Variants in PCDHGB7 observed in about 807,000 individuals in gnomAD.
PCDHGB7 encodes protocadherin gamma-B7.
A neutral mutation model predicts 61.4 loss-of-function variants in PCDHGB7; 37 were observed. The ratio of observed to expected loss-of-function variants is 0.60; its 90% CI spans 0.46 to 0.79. The LOEUF (loss-of-function observed/expected upper bound fraction) is 0.79. Ranked by LOEUF, PCDHGB7 falls within the 30% of genes least tolerant of loss-of-function variation. The probability of loss-of-function intolerance (pLI) is 0.00; values close to 1 mark genes in which losing one functional copy is unlikely to be tolerated. For missense variants in PCDHGB7, 1,166 were observed against 1,202.5 expected, an observed-to-expected ratio of 0.97 and a Z score of 0.45; for synonymous variants, 464 against 503.5, an observed-to-expected ratio of 0.92 and a Z score of 1.05.
chr5:141,472,371 C>G (rs2099278632), intron 1 of PCDHGB7, among the ~76,000 whole-genome samples: 1 of 151,944 alleles, frequency 6.6e-6, no homozygotes, highest in Admixed American at 6.6e-5. Flanking sequence ...GAAACCCCGT[C>G]TCCACTAAAA....
intron 2 of PCDHGB7, among the ~76,000 whole-genome samples, chr5:141,503,075 G>C (rs1373753092): frequency 6.6e-6 from 1 of 151,438 alleles, no homozygotes; most frequent in Non-Finnish European, 1.5e-5. Context: ...GAATGGTCTC[G>C]ATCTCCTGAC....
At chr5:141,438,591 CATATATATATATATATAT>C (rs946798767) in intron 1 of PCDHGB7, among the ~76,000 whole-genome samples, 2 of 75,562 alleles carry the variant, frequency 2.6e-5, no homozygotes, top group Non-Finnish European at 5.4e-5. Context: ...TACATACATA[CATATATATATATATATAT>C]ATATATATAT....
At position 141,505,504 on chromosome 5, in the gene PCDHGB7, T is replaced by C. The variant is rs756583857; in HGVS notation, c.2563+23T>C. The C allele has an allele frequency of 9.3e-6, 15 of 1,614,020 alleles. No individual in the cohort carries two copies. The African/African-American group carries it at 1.2e-4, about 13-fold the overall frequency. ...GTGGTAAGTGGTGTCAGTGTGTGTA[T>C]GGAAGAGTGGGAGACCTGGGGTTCT... On this transcript the variant is annotated intron_variant, in intron 3 of 3. Transcript: ENST00000398594.
chr5:141,449,497 G>A (rs903338878), intron 1 of PCDHGB7, among the ~76,000 whole-genome samples: 4 of 149,856 alleles, frequency 2.7e-5, no homozygotes, highest in African/African-American at 9.9e-5. Flanking sequence ...GGTGAGGCAT[G>A]AGAAATGCTT....
chr5:141,423,782 C>A (rs1458189260), intron 1 of PCDHGB7: 2 of 1,243,328 alleles, frequency 1.6e-6, no homozygotes, highest in Non-Finnish European at 1.0e-6. Context: ...ATATTTAGTT[C>A]ATATATATTT....
chr5:141,476,184 T>C lies in PCDHGB7; in HGVS notation c.2416-18623T>C, dbSNP rs1038598087. ...AGGGTAGTGGGAGTTTTGCTTCTGC[T>C]TGGTGCCTTGAACAAGGCTTCCACG... On this transcript the variant is annotated intron_variant, in intron 1 of 3. Coordinates refer to ENST00000398594, the MANE Select transcript of PCDHGB7 (RefSeq NM_018927.4). The surrounding 1 kb of genome is among the most constrained non-coding windows in gnomAD (Gnocchi z 7.6). 1 of 1,613,708 alleles carries C rather than the reference T, an allele frequency of 6.2e-7. No homozygotes were observed. Among genetic ancestry groups the C allele is most frequent in the Non-Finnish European group, 8.5e-7 (1 of 1,179,992 alleles).
At chr5:141,422,206 G>C (rs1269700250) in intron 1 of PCDHGB7, 2 of 1,562,442 alleles carry the variant, frequency 1.3e-6, no homozygotes, top group East Asian at 4.5e-5. Context: ...AGATGGTGGA[G>C]GTCTCTTTAC....
intron 3 of PCDHGB7, among the ~76,000 whole-genome samples, chr5:141,510,054 G>A (rs1166696269): frequency 1.3e-5 from 2 of 152,180 alleles, no homozygotes; most frequent in Non-Finnish European, 2.9e-5. Context: ...AAAAGTGATT[G>A]TGCATGTGAA....
chr5:141,457,949 C>G (rs2098933653), intron 1 of PCDHGB7, among the ~76,000 whole-genome samples: 1 of 152,192 alleles, frequency 6.6e-6, no homozygotes. Flanking sequence ...CTCTGCATGT[C>G]AAGCTTGATT....
At chr5:141,503,263 C>T (rs2099818883) in intron 2 of PCDHGB7, among the ~76,000 whole-genome samples, 2 of 152,212 alleles carry the variant, frequency 1.3e-5, no homozygotes, top group South Asian at 4.2e-4. Context: ...GCCACAACCC[C>T]AGCACCTGGC....
At chr5:141,492,191 G>A (rs996614987) in intron 1 of PCDHGB7, among the ~76,000 whole-genome samples, 1 of 152,204 alleles carries the variant, frequency 6.6e-6, no homozygotes, top group African/African-American at 2.4e-5. Context: ...ACCTGTCTGC[G>A]GGACTTAGGT....
chr5:141,505,402 T>G lies in PCDHGB7; in HGVS notation c.2484T>G (p.Asn828Lys), dbSNP rs1216666169. 1.9e-6 allele frequency: 3 copies of G among 1,614,014 alleles called. No homozygotes were observed. Among genetic ancestry groups the G allele is most frequent in the Non-Finnish European group, 2.5e-6 (3 of 1,180,034 alleles). Residue 828 changes from asparagine (N) to lysine (K), a missense_variant, in exon 3 of 4, where the codon AAT (asparagine) becomes AAG (lysine). Coordinates refer to ENST00000398594, the MANE Select transcript of PCDHGB7 (RefSeq NM_018927.4). The part of the protein sequence containing the change: ...AQRPGTSGSQ[N>K]GDDTGTWPNN... ...CCTACTCTCTCCCCAGCTCCCAAAA[T>G]GGCGATGACACCGGCACCTGGCCCA...
chr5:141,421,562 A>G (rs1326874908), intron 1 of PCDHGB7: 1 of 1,613,992 alleles, frequency 6.2e-7, no homozygotes, highest in South Asian at 1.1e-5. Context: ...CTTCTCGTGG[A>G]AGACACCTTG....
At chr5:141,506,910 G>C (rs1165112258) in intron 3 of PCDHGB7, among the ~76,000 whole-genome samples, 1 of 152,082 alleles carries the variant, frequency 6.6e-6, no homozygotes, top group Admixed American at 6.5e-5. Context: ...ATCACACCTG[G>C]GCACATACTA....
chr5:141,458,347 T>A (rs1351687231), intron 1 of PCDHGB7, among the ~76,000 whole-genome samples: 1 of 151,916 alleles, frequency 6.6e-6, no homozygotes, highest in Non-Finnish European at 1.5e-5. Flanking sequence ...AGTGGAGAGT[T>A]TAATAAGCAA....
At chr5:141,458,318 A>T (rs1420197662) in intron 1 of PCDHGB7, among the ~76,000 whole-genome samples, 1 of 152,128 alleles carries the variant, frequency 6.6e-6, no homozygotes, top group Non-Finnish European at 1.5e-5. Context: ...ACACAGACAC[A>T]TGTGGAGTGG....
In PCDHGB7 at chr5:141,476,707, G is replaced by A. The variant is rs1309848893; in HGVS notation, c.2416-18100G>A. 6.2e-7 allele frequency: 1 copy of A among 1,614,206 alleles called. No individual in the cohort carries two copies. The highest frequency in any genetic ancestry group is 1.7e-5 in the Admixed American group (1 of 60,032). On this transcript the variant is annotated intron_variant, in intron 1 of 3. Coordinates refer to ENST00000398594, the MANE Select transcript of PCDHGB7 (RefSeq NM_018927.4). This position sits in a 1 kb window ranked among gnomAD's most constrained non-coding sequence, Gnocchi z 7.6. ...ACAGCACCAAGTACGCGGAGCTGGT[G>A]TTGGAGCGCGCCCTGGACCGAGAAC...
Position 141,476,752 on chromosome 5 carries a change from A to T in PCDHGB7, c.2416-18055A>T, listed in dbSNP as rs771355583. On this transcript the variant is annotated intron_variant, in intron 1 of 3. Coordinates refer to ENST00000398594, the MANE Select transcript of PCDHGB7 (RefSeq NM_018927.4). This position sits in a 1 kb window ranked among gnomAD's most constrained non-coding sequence, Gnocchi z 7.6. ...GAGAACGGGAGCCTAGTCTCCAGTTAGTGCTGACGGCGTTGGACGGAGGGA... is the reference window on the plus strand; with the variant it reads ...GAGAACGGGAGCCTAGTCTCCAGTTTGTGCTGACGGCGTTGGACGGAGGGA... 1.2e-6 allele frequency: 2 copies of T among 1,613,926 alleles called. No individual in the cohort carries two copies. Among genetic ancestry groups the T allele is most frequent in the South Asian group, 2.2e-5 (2 of 91,080 alleles).
rs17097294 is a variant in PCDHGB7 at position 141,425,513 on chromosome 5, T to G, written c.2415+5239T>G. On this transcript the variant is annotated intron_variant, in intron 1 of 3. Coordinates refer to ENST00000398594, the MANE Select transcript of PCDHGB7 (RefSeq NM_018927.4). ...AGGCTATACCTTTATATTCTCTTTA[T>G]GATGAAACATGAAACAATAATCCTT... Among the ~76,000 whole-genome samples, 699 of 152,380 alleles carry G rather than the reference T, an allele frequency of 4.6e-3. 4 individuals carry two copies. The highest frequency in any genetic ancestry group is 0.015 in the African/African-American group (636 of 41,592).
Sources: allele counts gnomAD v4.1 joint callset (sites outside exome capture counted in the v4.1 genomes callset), GRCh38; gene constraint gnomAD v4.1.1; non-coding constraint Gnocchi (gnomAD v3.1); transcripts MANE v1.5; gene names NCBI Gene and HGNC (gene_info 2026-07-23, HGNC 2026-07-21).